CHL1: variants seen among roughly 807,000 people sequenced by gnomAD.
CHL1 encodes cell adhesion molecule L1 like, also known as neural cell adhesion molecule L1-like protein.
A neutral mutation model predicts 141.9 loss-of-function variants in CHL1; 96 were observed. The observed-to-expected ratio is 0.68, with a 90% CI of 0.57 to 0.80. CHL1 has a LOEUF of 0.80. Among genes scored for constraint, CHL1 ranks in the 30% least tolerant of loss-of-function variants. The pLI is 0.00. For synonymous variants in CHL1, 613 were observed against 502.2 expected, an observed-to-expected ratio of 1.22 and a Z score of -2.95; for missense variants, 1,820 against 1,457.2, an observed-to-expected ratio of 1.25 and a Z score of -4.05.
chr3:377,922 T>C lies in CHL1; in HGVS notation c.1856T>C (p.Ile619Thr), dbSNP rs775392087. The change falls in exon 16 of 28, where the codon ATA (isoleucine) becomes ACA (threonine). Residue 619 changes from isoleucine to threonine, a missense_variant. Physicochemically the swap from Ile to Thr is moderately conservative, Grantham distance 89 (BLOSUM62 -1). Transcript: ENST00000256509. The stretch of plus-strand genomic sequence containing the variant: ...ACTGCTCTAGACAGTGCTGCCGATA[T>C]AACTCAAGTAACTGTTCTTGGTAAG... ...AHTALDSAAD[I>T]TQVTVLDVPD... The C allele has an allele frequency of 1.2e-6, 2 of 1,608,482 alleles. No homozygotes were observed. The highest frequency in any genetic ancestry group is 4.5e-5 in the East Asian group (2 of 44,768).
intron 1 of CHL1, among the ~76,000 whole-genome samples, chr3:225,887 T>C (rs543079478): frequency 5.8e-4 from 88 of 151,794 alleles, no homozygotes; most frequent in African/African-American, 2.0e-3. Flanking sequence ...CAGGCACCTG[T>C]AGTCCCAGCT....
intron 1 of CHL1, among the ~76,000 whole-genome samples, chr3:229,214 C>T (rs1019838874): frequency 6.6e-6 from 1 of 151,986 alleles, no homozygotes; most frequent in African/African-American, 2.4e-5. Context: ...TGTTTTATGC[C>T]CAATATGATT....
chr3:319,539 C>A lies in CHL1; in HGVS notation c.-94-144C>A, dbSNP rs1575056587. On this transcript the variant is annotated intron_variant, in intron 2 of 27. Transcript: ENST00000256509. The stretch of plus-strand genomic sequence containing the variant: ...ACAAAGAGGAAAAACTAATTTCATT[C>A]ATGCGGAGTTATGAGAGAACAGTTT... 4.6e-5 allele frequency: 19 copies of A among 415,034 alleles called. No homozygotes were observed. In the South Asian group the frequency reaches 6.4e-4, roughly 14 times the overall value. 25.7% of individuals were successfully genotyped at this position (415,034 alleles called of 1,614,324 possible). A position where few individuals can be genotyped will look rare whatever the true frequency, so the allele number is the denominator to read the frequency against.
rs775228806 is a variant in CHL1 at position 405,579 on chromosome 3, C to T, written c.3543C>T (p.Val1181=). ...MQPTESADSL[V]EYGEGDHGLF... Reference sequence around the variant, plus strand: ...CTACTGAAAGTGCTGACAGCTTAGTCGAATACGGAGAGGGAGACCATGGTC... The same window carrying T: ...CTACTGAAAGTGCTGACAGCTTAGTTGAATACGGAGAGGGAGACCATGGTC... The change falls in exon 28 of 28, where the codon GTC becomes GTT. Residue 1181 remains valine (V), a synonymous_variant. Transcript: ENST00000256509. 15 of 1,613,240 alleles carry T rather than the reference C, an allele frequency of 9.3e-6. No homozygotes were observed. Among genetic ancestry groups the T allele is most frequent in the East Asian group, 2.2e-5 (1 of 44,870 alleles).
At chr3:364,313 G>C (rs1704596149) in intron 14 of CHL1, among the ~76,000 whole-genome samples, 1 of 152,052 alleles carries the variant, frequency 6.6e-6, no homozygotes, top group African/African-American at 2.4e-5. Context: ...ACTTATCTCT[G>C]ATGTCTTTTA....
intron 2 of CHL1, 85 bp from the exon 3 acceptor site, chr3:319,591 CAAAAAAA>C (rs35995557): frequency 1.5e-4 from 46 of 304,324 alleles, no homozygotes; most frequent in South Asian, 4.2e-4. Context: ...ACTGCCAAAC[CAAAAAAA>C]AAAAAAAAAA....
chr3:221,882 G>A (rs913483678), intron 1 of CHL1, among the ~76,000 whole-genome samples: 1 of 152,154 alleles, frequency 6.6e-6, no homozygotes, highest in Non-Finnish European at 1.5e-5. Flanking sequence ...TATGTGTTCA[G>A]TAAAAATATA....
intron 2 of CHL1, among the ~76,000 whole-genome samples, chr3:272,528 C>T (rs561975356): frequency 6.6e-6 from 1 of 152,280 alleles, no homozygotes; most frequent in South Asian, 2.1e-4. Flanking sequence ...CCTCAGGTAG[C>T]TAATAGAGTA....
chr3:241,668 AC>A (rs1181282833), intron 1 of CHL1, among the ~76,000 whole-genome samples: 2 of 151,732 alleles, frequency 1.3e-5, no homozygotes, highest in East Asian at 3.9e-4. Flanking sequence ...TTTCAGTCAT[AC>A]TTTTTAAATC....
At chr3:351,407 A>G (rs969298621) in intron 10 of CHL1, among the ~76,000 whole-genome samples, 1 of 152,142 alleles carries the variant, frequency 6.6e-6, no homozygotes, top group Non-Finnish European at 1.5e-5. Context: ...GTTTCTCTTT[A>G]CCTATACACA....
intron 1 of CHL1, among the ~76,000 whole-genome samples, chr3:220,884 C>T (rs776292560): frequency 8.5e-5 from 13 of 152,186 alleles, no homozygotes; most frequent in Non-Finnish European, 1.8e-4. Context: ...TTTTAACCCA[C>T]ACCTTCGAAA....
chr3:350,235 T>C (rs1261188685), intron 10 of CHL1, among the ~76,000 whole-genome samples: 1 of 152,170 alleles, frequency 6.6e-6, no homozygotes, highest in African/African-American at 2.4e-5. Flanking sequence ...TTAGTTACAT[T>C]TATAGGAATA....
rs201468693 is a variant in CHL1, at chr3:234,177, GTA to G, written c.-174-10432_-174-10431del. Reference sequence around the variant, plus strand: ...TTACAGATGATGTCCATTTTATTAGGTATATGTGTGTGTGTGTATATATATAT... The same window carrying G: ...TTACAGATGATGTCCATTTTATTAGGTATGTGTGTGTGTGTATATATATAT... On this transcript the variant is annotated intron_variant, in intron 1 of 27. Coordinates refer to ENST00000256509, the MANE Select transcript of CHL1 (RefSeq NM_006614.4). Among the ~76,000 whole-genome samples the G allele has an allele frequency of 3.6e-3, 382 of 107,528 alleles. 1 individual carries two copies. The highest frequency in any genetic ancestry group is 9.8e-3 in the African/African-American group (342 of 34,986). The allele number at this position is 107,528 out of a possible 152,430, so 70.5% of individuals were successfully genotyped here.
chr3:399,327 T>A (rs1420480153), intron 26 of CHL1, among the ~76,000 whole-genome samples, 179 bp downstream of exon 26: 1 of 152,160 alleles, frequency 6.6e-6, no homozygotes, highest in Non-Finnish European at 1.5e-5. Context: ...AATATGTATG[T>A]TCTAGTTTCT....
At chr3:199,206 C>T (rs1698701314) in intron 1 of CHL1, among the ~76,000 whole-genome samples, 1 of 152,212 alleles carries the variant, frequency 6.6e-6, no homozygotes, top group Admixed American at 6.5e-5. Context: ...AGTGTATAAT[C>T]ATTCCTTGCA....
chr3:261,124 C>T (rs180983695), intron 2 of CHL1, among the ~76,000 whole-genome samples: 12 of 152,266 alleles, frequency 7.9e-5, no homozygotes, highest in Admixed American at 3.3e-4. Context: ...TGGCTTTACC[C>T]TTGATCATTG....
chr3:333,908 T>C (rs1198692011), intron 5 of CHL1, among the ~76,000 whole-genome samples: 1 of 152,170 alleles, frequency 6.6e-6, no homozygotes, highest in Non-Finnish European at 1.5e-5. Flanking sequence ...TATTCCAGCC[T>C]AGATAATTTT....
intron 2 of CHL1, among the ~76,000 whole-genome samples, chr3:305,336 G>A (rs1575014667): frequency 6.6e-6 from 1 of 152,112 alleles, no homozygotes; most frequent in African/African-American, 2.4e-5. Context: ...TGATGTAAAA[G>A]AAAACTTTTC....
At chr3:342,119 T>C (rs1234084344) in intron 7 of CHL1, 37 bp downstream of exon 7, 1 of 1,539,394 alleles carries the variant, frequency 6.5e-7, no homozygotes, top group East Asian at 2.3e-5. Flanking sequence ...TCATGTATGC[T>C]GAATGCAAAT....
Sources: gnomAD v4.1 joint callset for allele counts (sites outside exome capture counted in the v4.1 genomes callset) on GRCh38, gnomAD v4.1.1 for gene constraint, MANE v1.5 for transcripts, NCBI Gene and HGNC (gene_info 2026-07-23, HGNC 2026-07-21) for gene names.